Variants in CASK observed in about 807,000 individuals in gnomAD.
The protein encoded by CASK is calcium/calmodulin dependent serine protein kinase.
A neutral mutation model predicts 82.9 loss-of-function variants in CASK; 4 were observed. The ratio of observed to expected loss-of-function variants is 0.05; its 90% confidence interval spans 0.02 to 0.11. The LOEUF is 0.11. CASK is among the 10% of genes least tolerant of loss of function. The probability of loss-of-function intolerance (pLI) is 1.00; values close to 1 mark genes in which losing one functional copy is unlikely to be tolerated. For synonymous variants in CASK, 259 were observed against 253.5 expected (o/e 1.02, Z -0.20); for missense variants, 358 against 720.9 (o/e 0.50, Z 5.76).
intron 24 of CASK, among the ~76,000 whole-genome samples, chrX:41,533,671 T>A (rs754215077): frequency 5.2e-4 from 58 of 112,466 alleles, no homozygotes; most frequent in African/African-American, 1.4e-3. Flanking sequence ...TTATTTATTT[T>A]TTTTTGAGAC....
At chrX:41,910,328 T>A (rs1347499802) in intron 1 of CASK, among the ~76,000 whole-genome samples, 1 of 111,844 alleles carries the variant, frequency 8.9e-6, no homozygotes, top group Admixed American at 9.4e-5. Context: ...TCTCATGAGG[T>A]AGATAATATA....
At position 41,853,152 on chromosome X, in the gene CASK, T is replaced by C; in HGVS notation, c.135A>G (p.Val45=). Residue 45 remains valine, a synonymous_variant, in exon 2 of 27, where the codon GTA becomes GTG. Coordinates refer to ENST00000378163, the MANE Select transcript of CASK (RefSeq NM_001367721.1). ...ACCCTGGACTTGATGTGAACTTGGC[T>C]ACATCAACAATTTTTACAGCAAATT... The part of the protein sequence containing the change: ...GQQFAVKIVD[V]AKFTSSPGLS... 8.3e-7 allele frequency: 1 copy of C among 1,204,579 alleles called. No homozygotes were observed. The highest frequency in any genetic ancestry group is 2.3e-4 in the Middle Eastern group (1 of 4,332).
intron 21 of CASK, among the ~76,000 whole-genome samples, chrX:41,549,628 T>G (rs1042720698): frequency 9.0e-5 from 10 of 111,132 alleles, no homozygotes; most frequent in Non-Finnish European, 1.3e-4. Context: ...TCACCTGAGG[T>G]CAGGAGTTCG....
chrX:41,754,336 G>A (rs2068852404), intron 3 of CASK, among the ~76,000 whole-genome samples: 1 of 111,299 alleles, frequency 9.0e-6, no homozygotes, highest in Admixed American at 9.6e-5. Context: ...GGAAGGTCAA[G>A]GCTGCAGTGA....
intron 2 of CASK, among the ~76,000 whole-genome samples, chrX:41,813,578 T>G (rs2070349730): frequency 9.0e-6 from 1 of 111,621 alleles, no homozygotes; most frequent in South Asian, 3.7e-4. Context: ...TTACACCTTA[T>G]ATAAAAATTA....
intron 1 of CASK, among the ~76,000 whole-genome samples, chrX:41,877,683 C>T (rs1461825821): frequency 1.8e-5 from 2 of 111,684 alleles, no homozygotes; most frequent in Admixed American, 1.9e-4. Flanking sequence ...TGAATTCTGG[C>T]CAATCAGATC....
At position 41,705,547 on chromosome X, in the gene CASK, T is replaced by TA. The variant is rs993833122; in HGVS notation, c.429+33836dup. On this transcript the variant is annotated intron_variant, in intron 5 of 26. Transcript: ENST00000378163. ...TCAAGCCTGGGTGACAGAGATCTTC[T>TA]AAAAAAAAAAAATTAGAAGAGATGT... 4.8e-4 allele frequency among the ~76,000 whole-genome samples: 50 copies of TA among 104,640 alleles called. 1 individual carries two copies. Among genetic ancestry groups the TA allele is most frequent in the Middle Eastern group, 5.0e-3 (1 of 200 alleles). 90.9% of individuals were successfully genotyped at this position (104,640 alleles called of 115,157 possible).
chrX:41,831,876 G>T (rs752400263), intron 2 of CASK, among the ~76,000 whole-genome samples: 1 of 111,246 alleles, frequency 9.0e-6, no homozygotes, highest in Non-Finnish European at 1.9e-5. Context: ...CAGGAGAATC[G>T]CTTGAACCCA....
chrX:41,720,609 G>T (rs2068147173), intron 5 of CASK, among the ~76,000 whole-genome samples: 1 of 112,072 alleles, frequency 8.9e-6, no homozygotes, highest in Admixed American at 9.5e-5. Context: ...GAGGCCAGTT[G>T]CAGCCAGTTT....
At chrX:41,549,835 G>A (rs1379123717) in intron 21 of CASK, among the ~76,000 whole-genome samples, 1 of 108,885 alleles carries the variant, frequency 9.2e-6, no homozygotes, top group Non-Finnish European at 1.9e-5. Flanking sequence ...GAGGGACCTT[G>A]ACTTTAGAAG....
intron 9 of CASK, among the ~76,000 whole-genome samples, chrX:41,633,617 A>C (rs17260164): frequency 0.14 from 14,571 of 107,299 alleles, 892 homozygotes; most frequent in Middle Eastern, 0.16. Flanking sequence ...TTTTTTTTTA[A>C]TGAAGTATTA....
chrX:41,837,781 G>A (rs1025261369), intron 2 of CASK, among the ~76,000 whole-genome samples: 1 of 111,806 alleles, frequency 8.9e-6, no homozygotes. Context: ...TAGCTATGAC[G>A]AGTATAGCTG....
chrX:41,803,355 C>T (rs1392651136), intron 2 of CASK, among the ~76,000 whole-genome samples: 7 of 111,306 alleles, frequency 6.3e-5, no homozygotes, highest in African/African-American at 2.0e-4. Context: ...CTTGGGAGGC[C>T]GAGGTGGGCA....
intron 9 of CASK, among the ~76,000 whole-genome samples, chrX:41,628,712 T>C (rs2066418870): frequency 8.9e-6 from 1 of 112,348 alleles, no homozygotes; most frequent in South Asian, 3.6e-4. Flanking sequence ...ACTTTTGAGA[T>C]TTCTGAAAGT....
At chrX:41,800,865 A>T (rs1030667406) in intron 2 of CASK, among the ~76,000 whole-genome samples, 3 of 111,961 alleles carry the variant, frequency 2.7e-5, no homozygotes, top group African/African-American at 9.7e-5. Flanking sequence ...ACCACAAGGC[A>T]TTGTCAAAAA....
intron 6 of CASK, among the ~76,000 whole-genome samples, chrX:41,670,529 T>C (rs1292832534): frequency 1.8e-5 from 2 of 111,812 alleles, no homozygotes; most frequent in Non-Finnish European, 3.8e-5. Context: ...GGAGGACTGC[T>C]TAGGCCCAGG....
chrX:41,711,911 CATCCTCACCCTTCAAATTGTCAGCGT>C (rs2067983899), intron 5 of CASK, among the ~76,000 whole-genome samples: 1 of 112,372 alleles, frequency 8.9e-6, no homozygotes, highest in Admixed American at 9.4e-5. Flanking sequence ...CTTCCCTACC[CATCCTCACCCTTCAAATTGTCAGCGT>C]ATCCTCATTC....
At chrX:41,530,257 T>G (rs1184302463) in intron 25 of CASK, among the ~76,000 whole-genome samples, 1 of 111,903 alleles carries the variant, frequency 8.9e-6, no homozygotes. Context: ...CTACTTGGTT[T>G]GTACTCAGAG....
At chrX:41,674,718 C>T (rs974686488) in intron 5 of CASK, among the ~76,000 whole-genome samples, 1 of 110,650 alleles carries the variant, frequency 9.0e-6, no homozygotes, top group Non-Finnish European at 1.9e-5. Flanking sequence ...CCATTAGCTG[C>T]CAAGAGGGAA....
Sources: gnomAD v4.1 joint callset for allele counts (sites outside exome capture counted in the v4.1 genomes callset) on GRCh38, gnomAD v4.1.1 for gene constraint, MANE v1.5 for transcripts, NCBI Gene and HGNC (gene_info 2026-07-23, HGNC 2026-07-21) for gene names.